The following RXRA variants were observed in gnomAD, a reference collection of about 807,000 sequenced individuals.
RXRA encodes retinoic acid receptor RXR-alpha.
In RXRA, 5 loss-of-function variants were observed where a neutral mutation model predicts 44.5. That is an observed-to-expected ratio of 0.11 (90% confidence interval 0.06 to 0.24). The LOEUF is 0.24. Ranked by LOEUF, RXRA falls within the 10% of genes least tolerant of loss-of-function variation. RXRA has a pLI of 1.00. For synonymous variants in RXRA, 291 were observed against 271.4 expected (o/e 1.07, Z -0.71); for missense variants, 412 against 646.5 (o/e 0.64, Z 3.93).
At chr9:134,389,035 C>T (rs1830762158) in intron 1 of RXRA, among the ~76,000 whole-genome samples, 1 of 152,118 alleles carries the variant, frequency 6.6e-6, no homozygotes, top group African/African-American at 2.4e-5. Context: ...TGTGTCCACT[C>T]ACCTCCCTGC....
chr9:134,377,528 CGT>C (rs914004455), intron 1 of RXRA, among the ~76,000 whole-genome samples: 2 of 152,084 alleles, frequency 1.3e-5, no homozygotes, highest in African/African-American at 4.8e-5. Context: ...GTGAAGTCTC[CGT>C]GTGTGTGTGC....
At chr9:134,434,873 C>CGG (rs1831591429) in intron 9 of RXRA, among the ~76,000 whole-genome samples, 2 of 108,868 alleles carry the variant, frequency 1.8e-5, no homozygotes, top group African/African-American at 4.3e-5. Flanking sequence ...GGGAGGGGGT[C>CGG]GGGGGAGGTG....
chr9:134,337,806 G>C (rs1830029325), intron 1 of RXRA, among the ~76,000 whole-genome samples: 1 of 152,168 alleles, frequency 6.6e-6, no homozygotes, highest in South Asian at 2.1e-4. Context: ...CCTCCCTCTG[G>C]GGGGTCGCCC....
intron 5 of RXRA, among the ~76,000 whole-genome samples, chr9:134,420,906 G>A (rs1831319183): frequency 6.6e-6 from 1 of 152,210 alleles, no homozygotes; most frequent in South Asian, 2.1e-4. Context: ...AGCCGTGAAT[G>A]CTGCTCTCTC....
chr9:134,431,811 G>A (rs35502253), intron 7 of RXRA, 94 bp from the exon 8 acceptor site: 20,964 of 963,768 alleles, frequency 0.022, 353 homozygotes, highest in Admixed American at 0.039. Flanking sequence ...CTCGGGCCAC[G>A]CCGGGCTCTC....
intron 1 of RXRA, among the ~76,000 whole-genome samples, chr9:134,360,284 G>A (rs577659345): frequency 7.2e-5 from 11 of 152,298 alleles, no homozygotes; most frequent in Admixed American, 2.6e-4. Flanking sequence ...GACAGGCTGC[G>A]GACTGGCCTG....
chr9:134,371,319 G>A (rs543385749), intron 1 of RXRA, among the ~76,000 whole-genome samples: 4 of 152,310 alleles, frequency 2.6e-5, no homozygotes, highest in South Asian at 2.1e-4. Flanking sequence ...GGGACCAGTC[G>A]TCTAGAGCCA....
Position 134,417,064 on chromosome 9 carries a change from G to C in RXRA, c.611-94G>C. 7.3e-7 allele frequency: 1 copy of C among 1,361,700 alleles called. No homozygotes were observed. The highest frequency in any genetic ancestry group is 2.4e-4 in the Middle Eastern group (1 of 4,216). The allele number at this position is 1,361,700 out of a possible 1,614,324, so 84.4% of individuals were successfully genotyped here. ...GGGATGCTGGTGTTGTGGGTGAGTT[G>C]GCTGGGAGCTGGCACCACCCGGCCA... On this transcript the variant is annotated intron_variant, in intron 4 of 9. Transcript: ENST00000481739. The surrounding 1 kb of genome is among the most constrained non-coding windows in gnomAD (Gnocchi z 6.1).
Position 134,438,666 on chromosome 9 carries a change from C to T in RXRA, c.*2052C>T, listed in dbSNP as rs544042822. 1.4e-3 allele frequency: 208 copies of T among 153,004 alleles called. 1 individual carries two copies. The highest frequency in any genetic ancestry group is 4.8e-3 in the African/African-American group (198 of 41,600). 9.5% of individuals were successfully genotyped at this position (153,004 alleles called of 1,614,324 possible). On this transcript the variant is annotated 3_prime_UTR_variant, in exon 10 of 10. Transcript: ENST00000481739. ...CAGGAGGGTGCAGGTACTCTTGGGG[C>T]CCCAGCGGTGGGAGTGCAAAAGACC...
At chr9:134,362,424 A>G (rs1165666540) in intron 1 of RXRA, among the ~76,000 whole-genome samples, 1 of 152,062 alleles carries the variant, frequency 6.6e-6, no homozygotes, top group Admixed American at 6.5e-5. Flanking sequence ...GCGTTTCTCC[A>G]TTCATGCCAC....
At chr9:134,339,065 G>A (rs918575004) in intron 1 of RXRA, among the ~76,000 whole-genome samples, 6 of 152,208 alleles carry the variant, frequency 3.9e-5, no homozygotes, top group Admixed American at 3.3e-4. Context: ...GACCTAGGTC[G>A]CCGGCCGTGT....
chr9:134,339,702 T>TTTGA (rs1564260389), intron 1 of RXRA, among the ~76,000 whole-genome samples: 1 of 150,536 alleles, frequency 6.6e-6, no homozygotes, highest in African/African-American at 2.5e-5. Flanking sequence ...TCTGTGTGTG[T>TTTGA]GCCTGTGTGT....
chr9:134,327,414 C>T lies in RXRA; in HGVS notation c.28+755C>T, dbSNP rs1424816572. Among the ~76,000 whole-genome samples, 4 of 152,116 alleles carry T rather than the reference C, an allele frequency of 2.6e-5. No homozygotes were observed. In the East Asian group the frequency reaches 7.7e-4, roughly 29 times the overall value. Reference sequence around the variant, plus strand: ...CCCAGACTGCCCGCCAACTCCAGGCCCAGACCTACCGAGAAGGGGGAGAGG... The same window carrying T: ...CCCAGACTGCCCGCCAACTCCAGGCTCAGACCTACCGAGAAGGGGGAGAGG... On this transcript the variant is annotated intron_variant, in intron 1 of 9. Coordinates refer to ENST00000481739, the MANE Select transcript of RXRA (RefSeq NM_002957.6).
Position 134,422,349 on chromosome 9 carries a change from G to T in RXRA, c.910+544G>T, listed in dbSNP as rs1317921162. 7.9e-6 allele frequency: 10 copies of T among 1,265,772 alleles called. No individual in the cohort carries two copies. In the Admixed American group the frequency reaches 1.4e-4, roughly 18 times the overall value. 78.4% of individuals were successfully genotyped at this position (1,265,772 alleles called of 1,614,324 possible). A position where few individuals can be genotyped will look rare whatever the true frequency, so the allele number is the denominator to read the frequency against. On this transcript the variant is annotated intron_variant, in intron 6 of 9. Coordinates refer to ENST00000481739, the MANE Select transcript of RXRA (RefSeq NM_002957.6). Reference sequence around the variant, plus strand: ...CACTCCTGGGACACTACCCCCTCCCGGGACACACTCCCCGCTACCGGGACA... The same window carrying T: ...CACTCCTGGGACACTACCCCCTCCCTGGACACACTCCCCGCTACCGGGACA...
At chr9:134,399,359 G>A (rs1409691165) in intron 1 of RXRA, among the ~76,000 whole-genome samples, 1 of 152,252 alleles carries the variant, frequency 6.6e-6, no homozygotes, top group Admixed American at 6.5e-5. Flanking sequence ...CAGGCTGGTG[G>A]TGGTAGCTTC....
rs369195836 is a variant in RXRA at position 134,385,993 on chromosome 9, G to A, written c.29-15639G>A. 6.6e-5 allele frequency among the ~76,000 whole-genome samples: 10 copies of A among 152,372 alleles called. No homozygotes were observed. In the East Asian group the frequency reaches 1.7e-3, roughly 26 times the overall value. ...TGTCTCGGATTGAGGAAATGAGGCCGGGGTCCTTGTCCTCTTCCAAGAAGC... is the reference window on the plus strand; with the variant it reads ...TGTCTCGGATTGAGGAAATGAGGCCAGGGTCCTTGTCCTCTTCCAAGAAGC... On this transcript the variant is annotated intron_variant, in intron 1 of 9. Coordinates refer to ENST00000481739, the MANE Select transcript of RXRA (RefSeq NM_002957.6).
At chr9:134,422,422 C>A in intron 6 of RXRA, 1 of 1,275,606 alleles carries the variant, frequency 7.8e-7, no homozygotes, top group Non-Finnish European at 1.0e-6. Context: ...TCCACTCTCC[C>A]TGGACGCTCC....
intron 1 of RXRA, among the ~76,000 whole-genome samples, chr9:134,386,597 C>T (rs563911562): frequency 1.0e-3 from 156 of 152,318 alleles, no homozygotes; most frequent in African/African-American, 3.6e-3. Context: ...CACGGCTGCT[C>T]CGTACGTGGC....
intron 6 of RXRA, chr9:134,422,371 G>A (rs1202945413): frequency 6.5e-6 from 8 of 1,236,272 alleles, no homozygotes; most frequent in Non-Finnish European, 8.3e-6. Flanking sequence ...CCGCTACCGG[G>A]ACACTCCCCC....
Sources: gnomAD v4.1 joint callset for allele counts (sites outside exome capture counted in the v4.1 genomes callset) on GRCh38, gnomAD v4.1.1 for gene constraint, Gnocchi (gnomAD v3.1) non-coding constraint, MANE v1.5 for transcripts, NCBI Gene and HGNC (gene_info 2026-07-23, HGNC 2026-07-21) for gene names.